Variants in PDZRN4 observed in about 807,000 individuals in gnomAD.
The protein encoded by PDZRN4 is PDZ domain-containing RING finger protein 4.
A neutral mutation model predicts 99.0 loss-of-function variants in PDZRN4; 70 were observed. That is an observed-to-expected ratio of 0.71 (90% CI 0.58 to 0.86). The LOEUF is 0.86. Ranked by LOEUF, PDZRN4 falls within the 40% of genes least tolerant of loss-of-function variation. PDZRN4 has a pLI of 0.00. For synonymous variants in PDZRN4, 551 were observed against 501.6 expected (o/e 1.10, Z -1.32); for missense variants, 1,474 against 1,331.2 (o/e 1.11, Z -1.67).
intron 3 of PDZRN4, among the ~76,000 whole-genome samples, chr12:41,397,423 C>T (rs1335001899): frequency 1.3e-5 from 2 of 152,068 alleles, no homozygotes; most frequent in Non-Finnish European, 2.9e-5. Context: ...GAAAGCAATT[C>T]CTACTATTAT....
chr12:41,307,901 G>T (rs1380831365), intron 3 of PDZRN4, among the ~76,000 whole-genome samples: 1 of 151,604 alleles, frequency 6.6e-6, no homozygotes, highest in Non-Finnish European at 1.5e-5. Context: ...CTGTTATATT[G>T]CCCACTTTAT....
chr12:41,224,503 A>G (rs534638106), intron 3 of PDZRN4, among the ~76,000 whole-genome samples: 102 of 152,310 alleles, frequency 6.7e-4, no homozygotes, highest in Non-Finnish European at 1.1e-3. Context: ...TTACAGGTTC[A>G]AATGGCTTTC....
At chr12:41,428,165 A>G (rs1254385400) in intron 3 of PDZRN4, among the ~76,000 whole-genome samples, 1 of 152,096 alleles carries the variant, frequency 6.6e-6, no homozygotes, top group South Asian at 2.1e-4. Context: ...TTTTTGATTT[A>G]TCTGTACTTG....
chr12:41,453,718 A>G (rs1952794189), intron 3 of PDZRN4, among the ~76,000 whole-genome samples: 2 of 152,094 alleles, frequency 1.3e-5, no homozygotes, highest in South Asian at 4.1e-4. Context: ...ATTAAAATTG[A>G]TGGGAGAGAA....
At chr12:41,320,063 A>C (rs1463309920) in intron 3 of PDZRN4, among the ~76,000 whole-genome samples, 2 of 152,224 alleles carry the variant, frequency 1.3e-5, no homozygotes, top group Admixed American at 1.3e-4. Flanking sequence ...CTCCCTGCTC[A>C]GCCTGTCTTA....
At chr12:41,550,657 A>G (rs1939036853) in intron 5 of PDZRN4, among the ~76,000 whole-genome samples, 1 of 152,148 alleles carries the variant, frequency 6.6e-6, no homozygotes. Flanking sequence ...TATAATATAG[A>G]GTATCTTTGT....
At chr12:41,386,348 C>G (rs902335918) in intron 3 of PDZRN4, among the ~76,000 whole-genome samples, 1 of 152,036 alleles carries the variant, frequency 6.6e-6, no homozygotes, top group Non-Finnish European at 1.5e-5. Flanking sequence ...AAATTGCATT[C>G]AAATACGAAG....
chr12:41,488,586 G>C (rs1937822416), intron 3 of PDZRN4, among the ~76,000 whole-genome samples: 1 of 152,192 alleles, frequency 6.6e-6, no homozygotes, highest in Middle Eastern at 3.4e-3. Context: ...CTGGCGTGTA[G>C]TCACTGATAG....
chr12:41,352,883 C>A (rs906010991), intron 3 of PDZRN4, among the ~76,000 whole-genome samples: 3 of 152,022 alleles, frequency 2.0e-5, no homozygotes, highest in African/African-American at 7.2e-5. Context: ...GAAAAGGTAG[C>A]TAACAGTGTG....
chr12:41,322,895 A>G (rs1362374150), intron 3 of PDZRN4, among the ~76,000 whole-genome samples: 1 of 150,870 alleles, frequency 6.6e-6, no homozygotes. Flanking sequence ...TCTTTCTTTC[A>G]TTTTATTTTC....
At chr12:41,240,809 A>G (rs1470387782) in intron 3 of PDZRN4, among the ~76,000 whole-genome samples, 1 of 152,146 alleles carries the variant, frequency 6.6e-6, no homozygotes, top group Non-Finnish European at 1.5e-5. Context: ...TTCACTATTC[A>G]TAAGGGCAAA....
At chr12:41,546,576 G>C (rs1190105835) in intron 5 of PDZRN4, among the ~76,000 whole-genome samples, 4 of 152,082 alleles carry the variant, frequency 2.6e-5, no homozygotes, top group African/African-American at 9.7e-5. Context: ...GAATGACTTT[G>C]TTCTTTGCTT....
intron 3 of PDZRN4, among the ~76,000 whole-genome samples, chr12:41,479,754 A>C (rs551797220): frequency 6.6e-6 from 1 of 152,220 alleles, no homozygotes; most frequent in Non-Finnish European, 1.5e-5. Context: ...CAAGATATCA[A>C]TAACAAATTT....
intron 3 of PDZRN4, among the ~76,000 whole-genome samples, chr12:41,434,386 G>C (rs183473624): frequency 1.1e-4 from 16 of 152,258 alleles, no homozygotes; most frequent in African/African-American, 3.9e-4. Flanking sequence ...TATCTCGTGT[G>C]TGTGTGAGTG....
chr12:41,508,605 T>C (rs1938249261), intron 4 of PDZRN4, among the ~76,000 whole-genome samples: 1 of 152,180 alleles, frequency 6.6e-6, no homozygotes, highest in Non-Finnish European at 1.5e-5. Context: ...GGCTTCGATA[T>C]TCCAAGAGCC....
intron 3 of PDZRN4, among the ~76,000 whole-genome samples, chr12:41,302,088 A>G (rs1951540133): frequency 1.3e-5 from 2 of 152,000 alleles, no homozygotes; most frequent in South Asian, 4.1e-4. Flanking sequence ...GCTTGTGTGT[A>G]TATGTGTCTG....
chr12:41,447,302 A>G (rs2251259), intron 3 of PDZRN4, among the ~76,000 whole-genome samples: 77,450 of 151,980 alleles, frequency 0.51, 20,220 homozygotes, highest in African/African-American at 0.64. Flanking sequence ...CTATGGAGTT[A>G]TGAGCCTCAG....
intron 3 of PDZRN4, among the ~76,000 whole-genome samples, chr12:41,227,485 C>A (rs1344304829): frequency 6.6e-6 from 1 of 151,828 alleles, no homozygotes; most frequent in African/African-American, 2.4e-5. Context: ...GGCAACATGG[C>A]AAAACCCCAT....
intron 3 of PDZRN4, chr12:41,437,788 G>T (rs1023381547): frequency 5.8e-6 from 9 of 1,548,860 alleles, no homozygotes; most frequent in East Asian, 2.3e-5. Context: ...CACCACTCTG[G>T]CTTACGCTTC....
Sources: allele counts gnomAD v4.1 joint callset (sites outside exome capture counted in the v4.1 genomes callset), GRCh38; gene constraint gnomAD v4.1.1; transcripts MANE v1.5; gene names NCBI Gene and HGNC (gene_info 2026-07-23, HGNC 2026-07-21).